NLRP5: variants seen among roughly 807,000 people sequenced by gnomAD.
The protein encoded by NLRP5 is NLR family pyrin domain containing 5.
NLRP5 carries 93 observed loss-of-function variants against 113.1 expected under a neutral mutation model. The ratio of observed to expected loss-of-function variants is 0.82; its 90% CI spans 0.70 to 0.98. The LOEUF is 0.98. NLRP5 is among the 50% of genes least tolerant of loss of function. The pLI, the probability that NLRP5 is intolerant of heterozygous loss-of-function variation, is 0.00. For synonymous variants in NLRP5, 751 were observed against 600.7 expected (o/e 1.25, Z -3.66); for missense variants, 1,808 against 1,514.3 (o/e 1.19, Z -3.22).
At chr19:55,992,879 C>T in the NLRP5 span, among the ~76,000 whole-genome samples, 7 of 151,290 alleles carry the variant, frequency 4.6e-5, no homozygotes, top group Non-Finnish European at 7.4e-5. Flanking sequence ...AATGAATTTT[C>T]GCTCTTGTTG....
Position 56,048,916 on chromosome 19 carries a change from TC to T in NLRP5, c.2958-1501del, listed in dbSNP as rs1983822092. Among the ~76,000 whole-genome samples, 3 of 150,522 alleles carry T rather than the reference TC, an allele frequency of 2.0e-5. No individual in the cohort carries two copies. In the South Asian group the frequency reaches 6.2e-4, roughly 31 times the overall value. The stretch of plus-strand genomic sequence containing the variant: ...GAGGCTTTGTTCAAATATTCTTTTT[TC>T]TGTCTTTGGTGGATTGGGTTAATTC... On this transcript the variant is annotated intron_variant, in intron 11 of 14. Transcript: ENST00000390649.
intron 13 of NLRP5, among the ~76,000 whole-genome samples, chr19:56,055,733 G>C (rs192170999): frequency 0.013 from 1,975 of 151,578 alleles, 44 homozygotes; most frequent in African/African-American, 0.044. Context: ...TTTTAGTAGA[G>C]ACGGGGTTTC....
chr19:56,060,027 A>G (rs1984294148), intron 14 of NLRP5, among the ~76,000 whole-genome samples: 1 of 152,202 alleles, frequency 6.6e-6, no homozygotes, highest in Non-Finnish European at 1.5e-5. Flanking sequence ...GTGAATTGAG[A>G]AACATGGCTC....
intron 14 of NLRP5, among the ~76,000 whole-genome samples, chr19:56,059,704 T>TTTAC (rs1301795822): frequency 6.6e-6 from 1 of 152,066 alleles, no homozygotes; most frequent in East Asian, 1.9e-4. Context: ...CCAGCTAATT[T>TTTAC]TTACATTTTT....
chr19:56,029,704 G>A (rs925629879), intron 7 of NLRP5, among the ~76,000 whole-genome samples: 13 of 152,180 alleles, frequency 8.5e-5, no homozygotes, highest in African/African-American at 2.9e-4. Flanking sequence ...CAGGCTGGGT[G>A]GACGAGGATT....
intron 2 of NLRP5, among the ~76,000 whole-genome samples, chr19:56,005,508 A>G (rs1336249240): frequency 1.3e-5 from 2 of 149,562 alleles, no homozygotes; most frequent in East Asian, 1.9e-4. Flanking sequence ...ATGCCTGTAC[A>G]CATATATATT....
At chr19:56,056,651 C>T (rs565192852) in intron 13 of NLRP5, among the ~76,000 whole-genome samples, 41 of 152,220 alleles carry the variant, frequency 2.7e-4, no homozygotes, top group Non-Finnish European at 5.3e-4. Flanking sequence ...CATCCGTGTG[C>T]AGCACCTTAT....
intron 12 of NLRP5, among the ~76,000 whole-genome samples, chr19:56,053,345 G>C (rs980866546): frequency 1.3e-5 from 2 of 151,818 alleles, no homozygotes; most frequent in African/African-American, 2.4e-5. Context: ...GCAGTGAGCC[G>C]AGATCACACC....
At chr19:56,060,469 A>G (rs1407114606) in intron 14 of NLRP5, among the ~76,000 whole-genome samples, 1 of 152,150 alleles carries the variant, frequency 6.6e-6, no homozygotes, top group Non-Finnish European at 1.5e-5. Flanking sequence ...ATGACTCTGA[A>G]GAAAATGACG....
intron 14 of NLRP5, 98 bp from the exon 15 acceptor site, chr19:56,061,298 A>G (rs1984343661): frequency 7.4e-7 from 1 of 1,351,350 alleles, no homozygotes; most frequent in Non-Finnish European, 1.0e-6. Flanking sequence ...AGTACAAGAA[A>G]AGGTTTGAGA....
At chr19:56,041,817 C>T (rs560475180) in intron 11 of NLRP5, among the ~76,000 whole-genome samples, 55 of 152,150 alleles carry the variant, frequency 3.6e-4, no homozygotes, top group Middle Eastern at 3.4e-3. Context: ...GGTGTGGTGG[C>T]GCATACCTGT....
intron 12 of NLRP5, among the ~76,000 whole-genome samples, chr19:56,052,422 C>G (rs1654393): frequency 1.3e-5 from 2 of 152,046 alleles, no homozygotes; most frequent in South Asian, 2.1e-4. Context: ...GCACCTGCCA[C>G]CATGCCCAGC....
intron 1 of NLRP5, among the ~76,000 whole-genome samples, chr19:56,000,319 T>C (rs1030909718): frequency 6.6e-6 from 1 of 152,162 alleles, no homozygotes; most frequent in Non-Finnish European, 1.5e-5. Context: ...ACATGTTTCC[T>C]GTGTCCCAGG....
upstream of NLRP5, among the ~76,000 whole-genome samples, chr19:55,998,712 G>GTATATA (rs879269189): frequency 9.6e-6 from 1 of 104,536 alleles, no homozygotes; most frequent in Admixed American, 9.6e-5. Flanking sequence ...ATGTGTGTGT[G>GTATATA]TGTATATATA....
the NLRP5 span, among the ~76,000 whole-genome samples, chr19:55,990,479 T>C: frequency 2.0e-5 from 3 of 150,738 alleles, no homozygotes; most frequent in Non-Finnish European, 4.4e-5. Flanking sequence ...TCATTTGAGG[T>C]CAGGGGTTTG....
At chr19:56,022,858 G>A (rs577823819) in intron 6 of NLRP5, among the ~76,000 whole-genome samples, 1 of 152,282 alleles carries the variant, frequency 6.6e-6, no homozygotes, top group South Asian at 2.1e-4. Flanking sequence ...CCGAGTAGCT[G>A]GGATTACAGG....
chr19:56,036,828 G>T (rs1983335974), intron 9 of NLRP5, among the ~76,000 whole-genome samples: 1 of 152,142 alleles, frequency 6.6e-6, no homozygotes, highest in Non-Finnish European at 1.5e-5. Context: ...ATGATGGCAT[G>T]CACCTGTAAT....
chr19:56,016,429 A>C (rs912084737), intron 4 of NLRP5, among the ~76,000 whole-genome samples: 1 of 152,164 alleles, frequency 6.6e-6, no homozygotes, highest in African/African-American at 2.4e-5. Flanking sequence ...CTGGGATTAC[A>C]AGCTTGAGCC....
At chr19:56,061,267 C>T (rs79395320) in intron 14 of NLRP5, 129 bp from the exon 15 acceptor site, 68,588 of 927,940 alleles carry the variant, frequency 0.074, 2,973 homozygotes, top group East Asian at 0.19. Context: ...TGGTTTAACT[C>T]TTTGGGGCAC....
Sources: gnomAD v4.1 joint callset for allele counts (sites outside exome capture counted in the v4.1 genomes callset) on GRCh38, gnomAD v4.1.1 for gene constraint, MANE v1.5 for transcripts, NCBI Gene and HGNC (gene_info 2026-07-23, HGNC 2026-07-21) for gene names.